Variants in NRIP1 observed in about 807,000 individuals in gnomAD.
NRIP1 encodes nuclear receptor interacting protein 1, also known as nuclear receptor-interacting protein 1.
In NRIP1, 28 loss-of-function variants were observed where a neutral mutation model predicts 75.0. The ratio of observed to expected loss-of-function variants is 0.37; its 90% CI spans 0.28 to 0.51. The LOEUF is 0.51. Ranked by LOEUF, NRIP1 falls within the 20% of genes least tolerant of loss-of-function variation. The pLI is 0.92. For synonymous variants in NRIP1, 526 were observed against 487.6 expected (o/e 1.08, Z -1.04); for missense variants, 1,435 against 1,343.7 (o/e 1.07, Z -1.06).
chr21:14,969,328 G>A (rs1019301508), intron 3 of NRIP1, among the ~76,000 whole-genome samples: 1 of 152,092 alleles, frequency 6.6e-6, no homozygotes, highest in Non-Finnish European at 1.5e-5. Context: ...TTAATGTCAG[G>A]TCCATTCCTT....
intron 1 of NRIP1, among the ~76,000 whole-genome samples, chr21:15,044,810 G>T (rs980933156): frequency 6.6e-6 from 1 of 152,074 alleles, no homozygotes; most frequent in Non-Finnish European, 1.5e-5. Flanking sequence ...CACTATACCT[G>T]TAGGTCACTT....
At position 15,031,470 on chromosome 21, in the gene NRIP1, T is replaced by G. The variant is rs201229517; in HGVS notation, c.-458+12025A>C. Among the ~76,000 whole-genome samples, 424 of 139,182 alleles carry G rather than the reference T, an allele frequency of 3.0e-3. No individual in the cohort carries two copies. The East Asian group carries it at 0.084, about 27-fold the overall frequency. The allele number at this position is 139,182 out of a possible 152,430, so 91.3% of individuals were successfully genotyped here. On this transcript the variant is annotated intron_variant, in intron 2 of 3. Coordinates refer to ENST00000318948, the MANE Select transcript of NRIP1 (RefSeq NM_003489.4). ...AGGATCACCACATTCCCTTTCTATG[T>G]GTGTACACTCTGGAAGGCGTTCAGA... is the stretch of plus-strand genomic sequence containing the variant.
intron 2 of NRIP1, among the ~76,000 whole-genome samples, chr21:15,030,790 GT>G (rs2088626996): frequency 6.6e-6 from 1 of 151,804 alleles, no homozygotes; most frequent in African/African-American, 2.4e-5. Context: ...GATGATTTAA[GT>G]TAAAATAGAT....
chr21:15,056,674 G>A, intron 1 of NRIP1, among the ~76,000 whole-genome samples: 1 of 152,036 alleles, frequency 6.6e-6, no homozygotes, highest in Non-Finnish European at 1.5e-5. Context: ...TTCCTTTGCA[G>A]CTTTTATACA....
chr21:15,000,540 C>T (rs915200984), intron 3 of NRIP1, among the ~76,000 whole-genome samples: 1 of 152,160 alleles, frequency 6.6e-6, no homozygotes, highest in Non-Finnish European at 1.5e-5. Context: ...CCCCATCTTA[C>T]TTGGCTAATT....
chr21:15,030,303 T>C (rs533990397), intron 2 of NRIP1, among the ~76,000 whole-genome samples: 288 of 152,374 alleles, frequency 1.9e-3, no homozygotes, highest in Non-Finnish European at 3.6e-3. Context: ...TTTACTTTAC[T>C]TGTAGTAAGG....
chr21:14,996,892 T>C (rs1306326564), intron 3 of NRIP1, among the ~76,000 whole-genome samples: 1 of 151,808 alleles, frequency 6.6e-6, no homozygotes, highest in Non-Finnish European at 1.5e-5. Context: ...TTACATGATA[T>C]AATTTTTGAA....
At chr21:15,031,362 T>G (rs1388733410) in intron 2 of NRIP1, among the ~76,000 whole-genome samples, 1 of 140,328 alleles carries the variant, frequency 7.1e-6, no homozygotes, top group Non-Finnish European at 1.5e-5. Flanking sequence ...CCACATTCCC[T>G]TTCTGTGTGT....
chr21:15,011,411 G>C (rs1027176602), intron 3 of NRIP1, among the ~76,000 whole-genome samples: 1 of 152,118 alleles, frequency 6.6e-6, no homozygotes, highest in East Asian at 1.9e-4. Flanking sequence ...GGATGGTCTC[G>C]ATCTCCTGAC....
Position 14,968,149 on chromosome 21 carries a change from G to T in NRIP1, c.44C>A (p.Ser15Tyr). The change falls in exon 4 of 4, where the codon TCT becomes TAT. Residue 15 changes from serine (S) to tyrosine (Y), a missense_variant. Coordinates refer to ENST00000318948, the MANE Select transcript of NRIP1 (RefSeq NM_003489.4). ...TCCTTCTAGGTAAGTTAAAACAATAGAATCCTGGTGCACATCAGAGCCAAG... is the reference window on the plus strand; with the variant it reads ...TCCTTCTAGGTAAGTTAAAACAATATAATCCTGGTGCACATCAGAGCCAAG... ...EELGSDVHQD[S>Y]IVLTYLEGLL... 6.2e-7 allele frequency: 1 copy of T among 1,613,690 alleles called. No homozygotes were observed. The highest frequency in any genetic ancestry group is 1.3e-5 in the African/African-American group (1 of 75,036).
At chr21:14,998,740 TA>T (rs2087787673) in intron 3 of NRIP1, among the ~76,000 whole-genome samples, 2 of 151,496 alleles carry the variant, frequency 1.3e-5, no homozygotes, top group African/African-American at 4.8e-5. Context: ...TTCTCTTCCT[TA>T]TAGTTTTCTT....
intron 3 of NRIP1, among the ~76,000 whole-genome samples, chr21:14,985,215 A>G (rs888536564): frequency 6.6e-6 from 1 of 152,270 alleles, no homozygotes; most frequent in Non-Finnish European, 1.5e-5. Flanking sequence ...GTAAACAGCA[A>G]GTAAACCTTT....
chr21:14,984,913 T>C (rs1416678007), intron 3 of NRIP1, among the ~76,000 whole-genome samples: 1 of 152,230 alleles, frequency 6.6e-6, no homozygotes, highest in Non-Finnish European at 1.5e-5. Context: ...AGTTAAGGTA[T>C]GCACATTATT....
chr21:14,981,929 A>G (rs1167291790), intron 3 of NRIP1, among the ~76,000 whole-genome samples: 3 of 149,178 alleles, frequency 2.0e-5, no homozygotes, highest in African/African-American at 7.4e-5. Context: ...TCAGCTCAGC[A>G]CAACCTCCGA....
chr21:14,997,768 T>C (rs2147102536), intron 3 of NRIP1, among the ~76,000 whole-genome samples: 1 of 150,582 alleles, frequency 6.6e-6, no homozygotes, highest in East Asian at 1.9e-4. Flanking sequence ...ATAATTTGTA[T>C]ATACTCCAGG....
intron 3 of NRIP1, among the ~76,000 whole-genome samples, chr21:14,986,434 G>A (rs1478932557): frequency 6.6e-6 from 1 of 152,144 alleles, no homozygotes; most frequent in Non-Finnish European, 1.5e-5. Flanking sequence ...GTTACCATTA[G>A]TAGAAACATA....
chr21:15,065,776 G>A (rs572314951), upstream of NRIP1: 43 of 152,514 alleles, frequency 2.8e-4, no homozygotes, highest in African/African-American at 1.0e-3. Context: ...CCAGGAGCAG[G>A]GTTAATCCTC....
chr21:15,047,553 T>C (rs2089110775), intron 1 of NRIP1, among the ~76,000 whole-genome samples: 3 of 151,904 alleles, frequency 2.0e-5, no homozygotes, highest in African/African-American at 4.8e-5. Flanking sequence ...AATAAATAAA[T>C]CATTAAAATT....
At chr21:15,017,994 C>T (rs183426406) in intron 2 of NRIP1, among the ~76,000 whole-genome samples, 299 of 152,224 alleles carry the variant, frequency 2.0e-3, no homozygotes, top group African/African-American at 6.5e-3. Flanking sequence ...ACTACTCTAA[C>T]ATTAATACTT....
Sources: gnomAD v4.1 joint callset for allele counts (sites outside exome capture counted in the v4.1 genomes callset) on GRCh38, gnomAD v4.1.1 for gene constraint, MANE v1.5 for transcripts, NCBI Gene and HGNC (gene_info 2026-07-23, HGNC 2026-07-21) for gene names.